RNASEH1: variants seen among roughly 807,000 people sequenced by gnomAD.
The protein encoded by RNASEH1 is ribonuclease H1.
A neutral mutation model predicts 34.6 loss-of-function variants in RNASEH1; 27 were observed. The observed-to-expected ratio is 0.78, with a 90% CI of 0.58 to 1.08. The LOEUF (loss-of-function observed/expected upper bound fraction) is 1.08. Ranked by LOEUF, RNASEH1 falls within the 50% of genes least tolerant of loss-of-function variation. RNASEH1 has a pLI of 0.00. For synonymous variants in RNASEH1, 162 were observed against 138.4 expected (o/e 1.17, Z -1.20); for missense variants, 349 against 373.6 (o/e 0.93, Z 0.54).
chr2:3,536,876 A>C (rs1668014672), downstream of RNASEH1: 1 of 152,270 alleles, frequency 6.6e-6, no homozygotes, highest in Non-Finnish European at 1.5e-5. Context: ...CCTGGCTCGC[A>C]GAGGCTGGTG....
rs932680660 is a variant in RNASEH1 at position 3,558,320 on chromosome 2, C to A, written c.-60G>T. The stretch of plus-strand genomic sequence containing the variant: ...CCGGCCCAGCGTGGGCGCGAGCCGC[C>A]GGCGCTCAACACCGCACTTCCGTCA... On this transcript the variant is annotated 5_prime_UTR_variant, in exon 1 of 8. Transcript: ENST00000315212. 1.8e-5 allele frequency: 27 copies of A among 1,464,508 alleles called. No individual in the cohort carries two copies. The African/African-American group carries it at 3.4e-4, about 18-fold the overall frequency. 90.7% of individuals were successfully genotyped at this position (1,464,508 alleles called of 1,614,324 possible).
chr2:3,541,996 TAACAA>T lies in RNASEH1; in HGVS notation c.*3784_*3788del, dbSNP rs113324451. ...AGTGAGACACTGTTCCTATTTTAAA[TAACAA>T]AACAAAACAAAAGTGGTACAATAAC... On this transcript the variant is annotated 3_prime_UTR_variant, in exon 8 of 8. Transcript: ENST00000315212. Among the ~76,000 whole-genome samples, 1,323 of 152,078 alleles carry T rather than the reference TAACAA, an allele frequency of 8.7e-3. 11 individuals are homozygous for T. Among genetic ancestry groups the T allele is most frequent in the Middle Eastern group, 0.051 (15 of 294 alleles).
Position 3,558,053 on chromosome 2 carries a change from C to T in RNASEH1, c.128+80G>A. ...GCACAGACTCGGACCGCCAGGCTCC[C>T]GCCGCCGGGGTTAGCCGGGCTCCGG... On this transcript the variant is annotated intron_variant, in intron 1 of 7. Coordinates refer to ENST00000315212, the MANE Select transcript of RNASEH1 (RefSeq NM_002936.6). 2.0e-6 allele frequency: 3 copies of T among 1,486,476 alleles called. No homozygotes were observed. In the South Asian group the frequency reaches 4.1e-5, roughly 20 times the overall value. The allele number at this position is 1,486,476 out of a possible 1,614,324, so 92.1% of individuals were successfully genotyped here. A position where few individuals can be genotyped will look rare whatever the true frequency, so the allele number is the denominator to read the frequency against.
chr2:3,550,327 A>G, intron 4 of RNASEH1, 46 bp downstream of exon 4: 1 of 1,439,396 alleles, frequency 6.9e-7, no homozygotes, highest in Non-Finnish European at 9.8e-7. Flanking sequence ...ATCTTTTCAC[A>G]AGTTGTGGAA....
chr2:3,538,456 C>A (rs1668108480), downstream of RNASEH1, among the ~76,000 whole-genome samples: 1 of 152,086 alleles, frequency 6.6e-6, no homozygotes, highest in African/African-American at 2.4e-5. Context: ...CCACAGCATC[C>A]TCTCCCCATT....
At chr2:3,555,871 A>C (rs952203234) in intron 2 of RNASEH1, among the ~76,000 whole-genome samples, 1 of 152,196 alleles carries the variant, frequency 6.6e-6, no homozygotes, top group Non-Finnish European at 1.5e-5. Flanking sequence ...TCTATAACAC[A>C]TAAAATTGGA....
At chr2:3,551,867 C>T (rs1659951811) in intron 3 of RNASEH1, among the ~76,000 whole-genome samples, 1 of 152,188 alleles carries the variant, frequency 6.6e-6, no homozygotes, top group African/African-American at 2.4e-5. Context: ...CGCATTTCAT[C>T]TTAACGTTAA....
chr2:3,558,211 G>T lies in RNASEH1; in HGVS notation c.50C>A (p.Pro17His). The change falls in exon 1 of 8, where the codon CCC becomes CAC. Residue 17 changes from proline (P) to histidine (H), a missense_variant. Coordinates refer to ENST00000315212, the MANE Select transcript of RNASEH1 (RefSeq NM_002936.6). ...GAACCCGCGAGAGCCGCGGCGGCAG[G>T]GCAAGGCGGCCAAGGCGACTCTGTG... ...LAHRVALAAL[P>H]CRRGSRGFGM... The T allele has an allele frequency of 6.2e-7, 1 of 1,600,498 alleles. No individual in the cohort carries two copies. Among genetic ancestry groups the T allele is most frequent in the Non-Finnish European group, 8.5e-7 (1 of 1,175,528 alleles).
At chr2:3,538,251 C>G (rs1215668380), downstream of RNASEH1, among the ~76,000 whole-genome samples, 1 of 151,718 alleles carries the variant, frequency 6.6e-6, no homozygotes, top group Non-Finnish European at 1.5e-5. Context: ...ACTCCGGAGG[C>G]TGAGGCAAGA....
the RNASEH1 span, among the ~76,000 whole-genome samples, chr2:3,535,998 C>T: frequency 7.2e-5 from 11 of 152,216 alleles, no homozygotes; most frequent in Non-Finnish European, 1.5e-4. Context: ...AGAGAGCCAG[C>T]ACCAGGTCCT....
chr2:3,550,502 G>C, intron 3 of RNASEH1, 30 bp from the exon 4 acceptor site: 1 of 1,553,972 alleles, frequency 6.4e-7, no homozygotes, highest in Non-Finnish European at 8.9e-7. Flanking sequence ...ATGCTGCTGG[G>C]CTGACCTTAC....
chr2:3,556,375 G>T (rs914636139), intron 2 of RNASEH1, among the ~76,000 whole-genome samples: 13 of 145,108 alleles, frequency 9.0e-5, no homozygotes, highest in Non-Finnish European at 1.0e-4. Flanking sequence ...GTGCAATCTC[G>T]GCTCACTGTA....
At chr2:3,550,092 G>A (rs1007541959) in intron 4 of RNASEH1, 5 of 368,034 alleles carry the variant, frequency 1.4e-5, no homozygotes, top group African/African-American at 2.2e-5. Context: ...GCAGTGAGCT[G>A]TGTTTGTGCC....
At position 3,541,812 on chromosome 2, in the gene RNASEH1, T is replaced by G. The variant is rs898303142; in HGVS notation, c.*3973A>C. On this transcript the variant is annotated 3_prime_UTR_variant, in exon 8 of 8. Coordinates refer to ENST00000315212, the MANE Select transcript of RNASEH1 (RefSeq NM_002936.6). ...GCAAATGCATCGGTCACTTCACGTATGTGCAGTTCATTACCTGTCAGTTAC... is the reference window on the plus strand; with the variant it reads ...GCAAATGCATCGGTCACTTCACGTAGGTGCAGTTCATTACCTGTCAGTTAC... Among the ~76,000 whole-genome samples the G allele has an allele frequency of 2.0e-5, 3 of 152,230 alleles. No homozygotes were observed. The highest frequency in any genetic ancestry group is 7.2e-5 in the African/African-American group (3 of 41,456).
intron 2 of RNASEH1, among the ~76,000 whole-genome samples, chr2:3,556,225 G>C (rs1006318763): frequency 4.7e-4 from 71 of 151,374 alleles, no homozygotes; most frequent in African/African-American, 1.7e-3. Context: ...CAATAAAAAG[G>C]CAACACCACA....
At chr2:3,548,941 A>AC in intron 5 of RNASEH1, 117 bp downstream of exon 5, 1 of 957,322 alleles carries the variant, frequency 1.0e-6, no homozygotes, top group Admixed American at 2.2e-5. Flanking sequence ...TTGTTATTAA[A>AC]CCCGTCTCTC....
rs1416594269 is a variant in RNASEH1 at position 3,550,406 on chromosome 2, C to G, written c.476G>C (p.Gly159Ala). The G allele has an allele frequency of 1.2e-6, 2 of 1,614,150 alleles. No homozygotes were observed. The highest frequency in any genetic ancestry group is 1.7e-6 in the Non-Finnish European group (2 of 1,180,012). ...SSNGRRRPRA[G>A]IGVYWGPGHP... ...GCCTGGCCCCCAGTAAACGCCGATT[C>G]CTGCTCGCGGCCTTCTACGCCCATT... Residue 159 changes from glycine (G) to alanine (A), a missense_variant, in exon 4 of 8, where the codon GGA (glycine) becomes GCA (alanine). Physicochemically the swap from Gly to Ala is moderately conservative, Grantham distance 60. Around this residue, in one of 2 missense-constraint regions of RNASEH1, gnomAD observed 256 missense variants for 240.7 expected, o/e 1.06. Transcript: ENST00000315212.
chr2:3,553,403 T>G (rs1292121398), intron 2 of RNASEH1, among the ~76,000 whole-genome samples: 1 of 151,824 alleles, frequency 6.6e-6, no homozygotes, highest in African/African-American at 2.4e-5. Flanking sequence ...AATAGTTTTT[T>G]TTTTTTGAGA....
At chr2:3,555,345 T>C (rs534281111) in intron 2 of RNASEH1, among the ~76,000 whole-genome samples, 17 of 152,354 alleles carry the variant, frequency 1.1e-4, no homozygotes, top group Non-Finnish European at 2.2e-4. Context: ...TCTCAGCTTA[T>C]TGGCTGTCAT....
Sources: allele counts gnomAD v4.1 joint callset (sites outside exome capture counted in the v4.1 genomes callset), GRCh38; gene constraint gnomAD v4.1.1; regional missense constraint gnomAD v4.1.1; transcripts MANE v1.5; gene names NCBI Gene and HGNC (gene_info 2026-07-23, HGNC 2026-07-21).